Variants in LARP4B observed in about 807,000 individuals in gnomAD.
LARP4B encodes La ribonucleoprotein 4B, also known as la-related protein 4B.
A neutral mutation model predicts 89.8 loss-of-function variants in LARP4B; 12 were observed. The observed-to-expected ratio is 0.13, with a 90% CI of 0.09 to 0.22. The LOEUF (loss-of-function observed/expected upper bound fraction) is 0.22. Among genes scored for constraint, LARP4B ranks in the 10% least tolerant of loss-of-function variants. The pLI is 1.00. For synonymous variants in LARP4B, 367 were observed against 363.3 expected, an observed-to-expected ratio of 1.01 and a Z score of -0.12; for missense variants, 757 against 947.7, an observed-to-expected ratio of 0.80 and a Z score of 2.64.
the LARP4B span, among the ~76,000 whole-genome samples, chr10:947,707 C>T: frequency 1.1e-4 from 16 of 152,128 alleles, 1 homozygote; most frequent in Admixed American, 2.0e-4. Flanking sequence ...CCGCAACCTC[C>T]GCCTCCCAGG....
intron 2 of LARP4B, 142 bp downstream of exon 2, chr10:885,499 C>T (rs1303454919): frequency 3.9e-6 from 2 of 514,270 alleles, no homozygotes; most frequent in Non-Finnish European, 6.8e-6. Context: ...GAAATCTTTT[C>T]TCCCCTACGA....
At chr10:866,221 C>T (rs1834892141) in intron 3 of LARP4B, among the ~76,000 whole-genome samples, 1 of 151,958 alleles carries the variant, frequency 6.6e-6, no homozygotes, top group Admixed American at 6.6e-5. Flanking sequence ...GTTTTAAGTA[C>T]TGGTGATAGG....
At chr10:842,231 C>T (rs1035701239) in intron 7 of LARP4B, among the ~76,000 whole-genome samples, 1 of 151,330 alleles carries the variant, frequency 6.6e-6, no homozygotes, top group Non-Finnish European at 1.5e-5. Flanking sequence ...TGGAGTCTAT[C>T]TCTGTCGCCA....
In LARP4B at chr10:891,187, C is replaced by G. The variant is rs573668590; in HGVS notation, c.-39-5427G>C. ...CAAAAACCAACATGTGATCATGACC[C>G]TAAATCTTATTACGAACTAACCGCA... is the stretch of plus-strand genomic sequence containing the variant. On this transcript the variant is annotated intron_variant, in intron 1 of 17. Transcript: ENST00000316157. 1.6e-4 allele frequency among the ~76,000 whole-genome samples: 24 copies of G among 151,782 alleles called. 1 individual carries two copies. The highest frequency in any genetic ancestry group is 5.5e-4 in the African/African-American group (23 of 41,448).
chr10:910,323 ACT>A, intron 1 of LARP4B, among the ~76,000 whole-genome samples: 1 of 152,136 alleles, frequency 6.6e-6, no homozygotes. Flanking sequence ...GCCCAAATCA[ACT>A]CTCTACTTAT....
intron 1 of LARP4B, among the ~76,000 whole-genome samples, chr10:897,987 CAAAAAAAAAAAAA>C (rs58452748): frequency 2.0e-4 from 5 of 25,626 alleles, no homozygotes; most frequent in Admixed American, 3.8e-4. Flanking sequence ...GGCTCCATCT[CAAAAAAAAAAAAA>C]AAAAAAAAAA....
chr10:915,817 A>C (rs1256924954), intron 1 of LARP4B, among the ~76,000 whole-genome samples: 2 of 143,690 alleles, frequency 1.4e-5, no homozygotes, highest in Non-Finnish European at 3.0e-5. Flanking sequence ...TGGGAGACAG[A>C]GCGAGACTCC....
chr10:973,728 A>G, the LARP4B span, among the ~76,000 whole-genome samples: 1 of 152,144 alleles, frequency 6.6e-6, no homozygotes, highest in Non-Finnish European at 1.5e-5. Flanking sequence ...TTAACCATAC[A>G]GTATTGTCAT....
At chr10:867,912 A>G (rs909926008) in intron 3 of LARP4B, among the ~76,000 whole-genome samples, 5 of 151,134 alleles carry the variant, frequency 3.3e-5, no homozygotes, top group Non-Finnish European at 7.4e-5. Flanking sequence ...CTTGACTATA[A>G]GTCTTATTTT....
At chr10:868,033 C>T (rs1324025361) in intron 3 of LARP4B, among the ~76,000 whole-genome samples, 2 of 151,932 alleles carry the variant, frequency 1.3e-5, no homozygotes, top group Non-Finnish European at 1.5e-5. Flanking sequence ...TAAATAAACC[C>T]TTCCACCCCA....
chr10:915,899 T>C (rs1321045261), intron 1 of LARP4B, among the ~76,000 whole-genome samples: 1 of 152,162 alleles, frequency 6.6e-6, no homozygotes, highest in African/African-American at 2.4e-5. Flanking sequence ...ATGACTATTA[T>C]TTTACAGCAA....
At position 814,080 on chromosome 10, in the gene LARP4B, C is replaced by T. The variant is rs1490899168; in HGVS notation, c.1929+662G>A. On this transcript the variant is annotated intron_variant, in intron 17 of 17. Coordinates refer to ENST00000316157, the MANE Select transcript of LARP4B (RefSeq NM_015155.3). The surrounding 1 kb of genome is among the most constrained non-coding windows in gnomAD (Gnocchi z 4.4). ...CCTCCCAAAGTGCTGGGATTACAGGCGTGAGCCACAGCACCTGGCCTCTTT... is the reference window on the plus strand; with the variant it reads ...CCTCCCAAAGTGCTGGGATTACAGGTGTGAGCCACAGCACCTGGCCTCTTT... Among the ~76,000 whole-genome samples the T allele has an allele frequency of 1.3e-5, 2 of 151,776 alleles. No individual in the cohort carries two copies. Among genetic ancestry groups the T allele is most frequent in the Admixed American group, 6.6e-5 (1 of 15,264 alleles).
the LARP4B span, chr10:973,031 G>A: frequency 7.9e-6 from 3 of 378,638 alleles, no homozygotes; most frequent in Admixed American, 3.2e-5. Flanking sequence ...GCTAATGGGA[G>A]AAGTCGAGGG....
intron 6 of LARP4B, 48 bp downstream of exon 6, chr10:844,929 C>G (rs1399291100): frequency 7.3e-7 from 1 of 1,373,848 alleles, no homozygotes; most frequent in Non-Finnish European, 1.0e-6. Context: ...TAACTATTTG[C>G]ACAATACTAG....
At chr10:837,765 C>T (rs1167555566) in intron 7 of LARP4B, among the ~76,000 whole-genome samples, 3 of 152,100 alleles carry the variant, frequency 2.0e-5, no homozygotes, top group Non-Finnish European at 4.4e-5. Flanking sequence ...ATGACAGACT[C>T]GAATGTTCAA....
chr10:897,111 C>A (rs1193693042), intron 1 of LARP4B, among the ~76,000 whole-genome samples: 1 of 151,606 alleles, frequency 6.6e-6, no homozygotes, highest in Non-Finnish European at 1.5e-5. Context: ...GACACACACA[C>A]TTCCTAATTT....
intron 1 of LARP4B, among the ~76,000 whole-genome samples, chr10:913,470 T>C (rs1441457455): frequency 6.6e-6 from 1 of 152,190 alleles, no homozygotes; most frequent in Non-Finnish European, 1.5e-5. Context: ...TGGGTAGATC[T>C]TTGGTAAATA....
chr10:877,696 T>C (rs946421344), intron 3 of LARP4B, among the ~76,000 whole-genome samples: 1 of 152,156 alleles, frequency 6.6e-6, no homozygotes, highest in Non-Finnish European at 1.5e-5. Flanking sequence ...ACGGAAGTGT[T>C]AGGAGAGTGC....
intron 5 of LARP4B, among the ~76,000 whole-genome samples, chr10:847,371 T>C (rs966094494): frequency 6.6e-6 from 1 of 152,114 alleles, no homozygotes; most frequent in Non-Finnish European, 1.5e-5. Context: ...ACACAGGCCA[T>C]CTGCCTCCAG....
Sources: allele counts gnomAD v4.1 joint callset (sites outside exome capture counted in the v4.1 genomes callset), GRCh38; gene constraint gnomAD v4.1.1; non-coding constraint Gnocchi (gnomAD v3.1); transcripts MANE v1.5; gene names NCBI Gene and HGNC (gene_info 2026-07-23, HGNC 2026-07-21).